FUT8: variants seen among roughly 807,000 people sequenced by gnomAD.
FUT8 encodes the protein fucosyltransferase 8, also known as alpha-(1,6)-fucosyltransferase.
FUT8 carries 29 observed loss-of-function variants against 71.3 expected under a neutral mutation model. That is an observed-to-expected ratio of 0.41 (90% CI 0.30 to 0.55). The LOEUF (loss-of-function observed/expected upper bound fraction) is 0.55. FUT8 is among the 20% of genes least tolerant of loss of function. The pLI, the probability that FUT8 is intolerant of heterozygous loss-of-function variation, is 0.34. For missense variants in FUT8, 544 were observed against 702.1 expected, an observed-to-expected ratio of 0.77 and a Z score of 2.55; for synonymous variants, 254 against 239.3, an observed-to-expected ratio of 1.06 and a Z score of -0.57.
At chr14:65,425,600 A>C (rs2065373442) in intron 1 of FUT8, among the ~76,000 whole-genome samples, 1 of 149,738 alleles carries the variant, frequency 6.7e-6, no homozygotes, top group Non-Finnish European at 1.5e-5. Context: ...GTAGATTGTG[A>C]AATGTTTACC....
intron 7 of FUT8, among the ~76,000 whole-genome samples, chr14:65,692,793 G>T (rs1053258853): frequency 1.3e-5 from 2 of 151,708 alleles, no homozygotes; most frequent in African/African-American, 4.8e-5. Flanking sequence ...TCTCAGAGGG[G>T]GCGGCCGGGC....
At chr14:65,600,014 C>A (rs1233423771) in intron 3 of FUT8, among the ~76,000 whole-genome samples, 1 of 152,048 alleles carries the variant, frequency 6.6e-6, no homozygotes, top group African/African-American at 2.4e-5. Context: ...TCATTGTAGT[C>A]TAGAAAATTT....
chr14:65,737,923 T>A (rs1036052928), intron 10 of FUT8, among the ~76,000 whole-genome samples: 8 of 152,082 alleles, frequency 5.3e-5, no homozygotes, highest in African/African-American at 1.9e-4. Flanking sequence ...AACCAAAAAC[T>A]ACGTTAACTA....
chr14:65,526,207 G>T (rs546990621), intron 2 of FUT8, among the ~76,000 whole-genome samples: 2 of 152,134 alleles, frequency 1.3e-5, no homozygotes, highest in Admixed American at 1.3e-4. Context: ...AAGTCTCTTT[G>T]TAGGTCTCTA....
chr14:65,383,573 T>C, the FUT8 span, among the ~76,000 whole-genome samples: 3 of 152,282 alleles, frequency 2.0e-5, no homozygotes, highest in Middle Eastern at 3.4e-3. Context: ...CCTGGCCCCA[T>C]TGGATTTCTT....
intron 7 of FUT8, among the ~76,000 whole-genome samples, chr14:65,679,612 T>G (rs1892940503): frequency 6.6e-6 from 1 of 152,220 alleles, no homozygotes; most frequent in African/African-American, 2.4e-5. Context: ...GTAAATTATT[T>G]CAAGTTTTTG....
At chr14:65,567,173 T>G (rs1385356430) in intron 3 of FUT8, among the ~76,000 whole-genome samples, 2 of 152,016 alleles carry the variant, frequency 1.3e-5, no homozygotes, top group Non-Finnish European at 2.9e-5. Context: ...ATTAATAGTT[T>G]TTTTGTTTAT....
intron 6 of FUT8, among the ~76,000 whole-genome samples, chr14:65,662,587 A>T (rs1892021991): frequency 6.6e-6 from 1 of 152,214 alleles, no homozygotes; most frequent in African/African-American, 2.4e-5. Flanking sequence ...ATACTCAAAA[A>T]GAACACACAC....
At chr14:65,447,551 C>T (rs916417406) in intron 1 of FUT8, among the ~76,000 whole-genome samples, 1 of 151,766 alleles carries the variant, frequency 6.6e-6, no homozygotes, top group Non-Finnish European at 1.5e-5. Context: ...AATTTTTTTT[C>T]TTCAACCAGA....
At chr14:65,620,344 A>G (rs1035946459) in intron 5 of FUT8, among the ~76,000 whole-genome samples, 3 of 152,176 alleles carry the variant, frequency 2.0e-5, no homozygotes, top group Non-Finnish European at 2.9e-5. Context: ...TATCAGTAAT[A>G]TATAGGGCAG....
At position 65,470,343 on chromosome 14, in the gene FUT8, G is replaced by A. The variant is rs143410637; in HGVS notation, c.-228+14625G>A. On this transcript the variant is annotated intron_variant, in intron 2 of 10. Coordinates refer to ENST00000673929, the MANE Select transcript of FUT8 (RefSeq NM_001371533.1). ...GACTTGGGTAGCTGCAGCTGTATGG[G>A]GTTGGGGGACAGGGCTCCTGCCTGT... 7.3e-4 allele frequency among the ~76,000 whole-genome samples: 111 copies of A among 152,314 alleles called. No homozygotes were observed. The East Asian group carries it at 0.018, about 24-fold the overall frequency.
intron 7 of FUT8, among the ~76,000 whole-genome samples, chr14:65,675,672 A>G (rs578254017): frequency 1.9e-4 from 29 of 152,266 alleles, no homozygotes; most frequent in Non-Finnish European, 3.5e-4. Context: ...CACAGTGCCA[A>G]GCGTTTGACC....
chr14:65,515,652 T>C (rs976840880), intron 2 of FUT8, among the ~76,000 whole-genome samples: 6 of 152,172 alleles, frequency 3.9e-5, no homozygotes, highest in African/African-American at 1.2e-4. Flanking sequence ...AAATGAGTTA[T>C]GAATTAAATT....
At chr14:65,584,179 CT>C (rs5809283) in intron 3 of FUT8, among the ~76,000 whole-genome samples, 94,065 of 125,822 alleles carry the variant, frequency 0.75, 35,085 homozygotes, top group East Asian at 0.93. Context: ...CACGCCCAGC[CT>C]TTTTTTTTTT....
chr14:65,490,107 A>G lies in FUT8; in HGVS notation c.-228+34389A>G, dbSNP rs546112415. The stretch of plus-strand genomic sequence containing the variant: ...ATTGGGCAGTTCCAAGAAAAGCTTC[A>G]GAACAGCTGTAATTACAGCTGCAGA... On this transcript the variant is annotated intron_variant, in intron 2 of 10. Coordinates refer to ENST00000673929, the MANE Select transcript of FUT8 (RefSeq NM_001371533.1). 2.8e-3 allele frequency among the ~76,000 whole-genome samples: 433 copies of G among 152,244 alleles called. 2 individuals are homozygous for G. The highest frequency in any genetic ancestry group is 9.9e-3 in the African/African-American group (412 of 41,570).
At chr14:65,742,026 G>T (rs567736278) in intron 10 of FUT8, 67 bp from the exon 11 acceptor site, 91 of 1,372,762 alleles carry the variant, frequency 6.6e-5, no homozygotes, top group Non-Finnish European at 8.8e-5. Flanking sequence ...TTTTGGCCAA[G>T]GGCTTTTAGA....
chr14:65,542,024 G>A (rs191544853), intron 2 of FUT8, among the ~76,000 whole-genome samples: 9 of 152,216 alleles, frequency 5.9e-5, no homozygotes, highest in Middle Eastern at 3.4e-3. Flanking sequence ...TAAATTCAGC[G>A]TACCTTAATT....
At chr14:65,630,866 C>T (rs1336395178) in intron 6 of FUT8, among the ~76,000 whole-genome samples, 1 of 152,154 alleles carries the variant, frequency 6.6e-6, no homozygotes, top group African/African-American at 2.4e-5. Flanking sequence ...CACCCTCATC[C>T]TTTTCTAATG....
chr14:65,416,213 A>G (rs935808622), intron 1 of FUT8, among the ~76,000 whole-genome samples: 29 of 152,210 alleles, frequency 1.9e-4, no homozygotes, highest in Non-Finnish European at 1.6e-4. Context: ...TTTTACAATC[A>G]TAAGAGTAAA....
Sources: allele counts gnomAD v4.1 joint callset (sites outside exome capture counted in the v4.1 genomes callset), GRCh38; gene constraint gnomAD v4.1.1; transcripts MANE v1.5; gene names NCBI Gene and HGNC (gene_info 2026-07-23, HGNC 2026-07-21).